The following CCNH variants were observed in gnomAD, a reference collection of about 807,000 sequenced individuals.
CCNH encodes the protein cyclin-H.
Under a neutral mutation model 41.9 loss-of-function variants are expected in CCNH, and 31 were observed. The ratio of observed to expected loss-of-function variants is 0.74; its 90% CI spans 0.56 to 1.00. The LOEUF (loss-of-function observed/expected upper bound fraction) is 1.00, where lower values mean the gene tolerates loss of function less well. CCNH is among the 50% of genes least tolerant of loss of function. The probability of loss-of-function intolerance (pLI) is 0.00; values close to 1 mark genes in which losing one functional copy is unlikely to be tolerated. For missense variants in CCNH, 362 were observed against 388.4 expected (o/e 0.93, Z 0.57); for synonymous variants, 138 against 136.1 (o/e 1.01, Z -0.10).
At chr5:87,369,111 C>T (rs1760739817) in intron 9 of CCNH, among the ~76,000 whole-genome samples, 1 of 152,064 alleles carries the variant, frequency 6.6e-6, no homozygotes, top group South Asian at 2.1e-4. Flanking sequence ...ATCTTTAAAG[C>T]AGGAAACAGA....
At chr5:87,331,615 G>C in intron 9 of CCNH, 2 of 1,179,972 alleles carry the variant, frequency 1.7e-6, no homozygotes, top group Non-Finnish European at 2.4e-6. Flanking sequence ...AGAGAAGGAA[G>C]CTTGTTTTCA....
chr5:87,349,412 G>A, intron 9 of CCNH: 1 of 1,591,570 alleles, frequency 6.3e-7, no homozygotes, highest in Non-Finnish European at 8.6e-7. Flanking sequence ...AAAAATAGTT[G>A]AAATCTTGAT....
downstream of CCNH, chr5:87,386,926 CT>C: frequency 2.5e-6 from 4 of 1,584,546 alleles, no homozygotes; most frequent in Non-Finnish European, 2.6e-6. Context: ...TTTTCAGGTA[CT>C]TTTTTTAAGA....
intron 9 of CCNH, among the ~76,000 whole-genome samples, chr5:87,324,598 G>A (rs1401063491): frequency 3.9e-5 from 6 of 152,132 alleles, no homozygotes; most frequent in Non-Finnish European, 5.9e-5. Flanking sequence ...CAGCATTTCT[G>A]CCCTTACTTT....
Position 87,350,240 on chromosome 5 carries a change from T to A in CCNH, c.*91-31343A>T, listed in dbSNP as rs556571449. 2.6e-5 allele frequency among the ~76,000 whole-genome samples: 4 copies of A among 152,010 alleles called. No homozygotes were observed. In the South Asian group the frequency reaches 8.3e-4, roughly 31 times the overall value. On this transcript the variant is annotated intron_variant and NMD_transcript_variant, in intron 9 of 9. Transcript: ENST00000645953. ...CTGTTAAAAGACATCAAATGTAAGATGTGAGTCTAGGCAGCTGTACCCTTT... is the reference window on the plus strand; with the variant it reads ...CTGTTAAAAGACATCAAATGTAAGAAGTGAGTCTAGGCAGCTGTACCCTTT...
chr5:87,398,960 G>A (rs1763179041), intron 7 of CCNH, among the ~76,000 whole-genome samples: 2 of 150,268 alleles, frequency 1.3e-5, no homozygotes, highest in South Asian at 4.2e-4. Flanking sequence ...GCAATAGAGC[G>A]AGACTCCATC....
downstream of CCNH, among the ~76,000 whole-genome samples, chr5:87,316,457 A>G (rs1490407548): frequency 6.6e-6 from 1 of 152,194 alleles, no homozygotes; most frequent in African/African-American, 2.4e-5. Flanking sequence ...CTTCACAACC[A>G]AAGGTTCTTC....
At chr5:87,312,179 A>G in the CCNH span, among the ~76,000 whole-genome samples, 2 of 152,224 alleles carry the variant, frequency 1.3e-5, no homozygotes, top group African/African-American at 2.4e-5. Flanking sequence ...GTTATTATAC[A>G]TGTGGTCAGA....
chr5:87,327,899 A>T (rs949087512), intron 9 of CCNH, among the ~76,000 whole-genome samples: 13 of 151,694 alleles, frequency 8.6e-5, no homozygotes, highest in African/African-American at 3.1e-4. Flanking sequence ...CAGGAGGCGG[A>T]GGTTGCAGTG....
chr5:87,373,033 CA>C (rs1241923675), downstream of CCNH, among the ~76,000 whole-genome samples: 1 of 152,050 alleles, frequency 6.6e-6, no homozygotes, highest in Non-Finnish European at 1.5e-5. Context: ...TGTAAGCTAT[CA>C]AAAATCAGAT....
At chr5:87,340,341 A>G (rs1034619027) in intron 9 of CCNH, among the ~76,000 whole-genome samples, 2 of 152,082 alleles carry the variant, frequency 1.3e-5, no homozygotes, top group African/African-American at 4.8e-5. Flanking sequence ...TCTAAAATTA[A>G]TAATTGTGTA....
Position 87,386,486 on chromosome 5 carries a change from A to G in CCNH, c.*90+6284T>C, listed in dbSNP as rs1447202233. Among the ~76,000 whole-genome samples the G allele has an allele frequency of 2.6e-5, 4 of 152,136 alleles. No individual in the cohort carries two copies. In the East Asian group the frequency reaches 5.8e-4, roughly 22 times the overall value. ...TGGGGCCATGTTTGAGTGAATTTAT[A>G]TATAAACAATTTGTGTCTGCCAGGC... On this transcript the variant is annotated intron_variant and NMD_transcript_variant, in intron 9 of 9. Transcript: ENST00000645953.
At chr5:87,360,403 C>T (rs751178430) in intron 9 of CCNH, among the ~76,000 whole-genome samples, 2 of 152,132 alleles carry the variant, frequency 1.3e-5, no homozygotes, top group African/African-American at 4.8e-5. Context: ...GGATTAAAGG[C>T]GTGAGCAAAA....
At chr5:87,400,816 C>T (rs1225005700) in intron 6 of CCNH, among the ~76,000 whole-genome samples, 1 of 152,092 alleles carries the variant, frequency 6.6e-6, no homozygotes, top group Non-Finnish European at 1.5e-5. Flanking sequence ...GACTTTTAAC[C>T]CCAAAGAGTA....
intron 9 of CCNH, chr5:87,385,368 T>C: frequency 6.2e-7 from 1 of 1,608,010 alleles, no homozygotes; most frequent in Non-Finnish European, 8.5e-7. Flanking sequence ...ACTTAGCAAA[T>C]CTTGTGGAAT....
At chr5:87,411,895 G>A (rs375310495) in intron 1 of CCNH, among the ~76,000 whole-genome samples, 12 of 152,244 alleles carry the variant, frequency 7.9e-5, no homozygotes, top group African/African-American at 2.6e-4. Flanking sequence ...ACTCAGTATC[G>A]GTAATTTGGA....
downstream of CCNH, chr5:87,372,243 C>T: frequency 6.6e-7 from 1 of 1,524,756 alleles, no homozygotes; most frequent in South Asian, 1.1e-5. Context: ...TTTGCTCTAA[C>T]ACTTTGCTCT....
At chr5:87,351,416 G>C (rs1268558161) in intron 9 of CCNH, among the ~76,000 whole-genome samples, 4 of 151,716 alleles carry the variant, frequency 2.6e-5, no homozygotes, top group African/African-American at 9.7e-5. Context: ...AGTTCAGTGG[G>C]GGGTGAGAAG....
chr5:87,352,531 A>T (rs1207186636), intron 9 of CCNH, among the ~76,000 whole-genome samples: 4 of 151,862 alleles, frequency 2.6e-5, no homozygotes, highest in Non-Finnish European at 5.9e-5. Context: ...AATTTATATT[A>T]AAATACAGTA....
Sources: allele counts gnomAD v4.1 joint callset (sites outside exome capture counted in the v4.1 genomes callset), GRCh38; gene constraint gnomAD v4.1.1; transcripts MANE v1.5; gene names NCBI Gene and HGNC (gene_info 2026-07-23, HGNC 2026-07-21).